Variants in VCL observed in about 807,000 individuals in gnomAD.
VCL encodes the protein vinculin, also known as epididymis luminal protein 114.
A neutral mutation model predicts 125.7 loss-of-function variants in VCL; 47 were observed. That is an observed-to-expected ratio of 0.37 (90% CI 0.30 to 0.48). VCL has a LOEUF of 0.48. Ranked by LOEUF, VCL falls within the 20% of genes least tolerant of loss-of-function variation. The pLI is 0.99. For synonymous variants in VCL, 458 were observed against 514.6 expected, an observed-to-expected ratio of 0.89 and a Z score of 1.49; for missense variants, 1,069 against 1,455.5, an observed-to-expected ratio of 0.73 and a Z score of 4.32.
At position 74,070,688 on chromosome 10, in the gene VCL, C is replaced by T. The variant is rs1841649986; in HGVS notation, c.258C>T (p.Thr86=). The T allele has an allele frequency of 6.2e-7, 1 of 1,613,974 alleles. No individual in the cohort carries two copies. Among genetic ancestry groups the T allele is most frequent in the African/African-American group, 1.3e-5 (1 of 74,902 alleles). Residue 86 remains threonine, a synonymous_variant, in exon 3 of 22, where the codon ACC becomes ACT. Coordinates refer to ENST00000211998, the MANE Select transcript of VCL (RefSeq NM_014000.3). ...PAFIKVENAC[T]KLVQAAQMLQ... ...CCTATAGGGTTGAGAATGCTTGCACCAAGCTTGTCCAGGCAGCTCAGATGC... is the reference window on the plus strand; with the variant it reads ...CCTATAGGGTTGAGAATGCTTGCACTAAGCTTGTCCAGGCAGCTCAGATGC...
chr10:74,095,643 T>C lies in VCL; in HGVS notation c.1544-13T>C, dbSNP rs750057744. 9 of 1,613,462 alleles carry C rather than the reference T, an allele frequency of 5.6e-6. No individual in the cohort carries two copies. Among genetic ancestry groups the C allele is most frequent in the Non-Finnish European group, 7.6e-6 (9 of 1,180,030 alleles). On this transcript the variant is annotated splice_polypyrimidine_tract_variant and intron_variant, in intron 11 of 21. Transcript: ENST00000211998. ...TGGGTCTTGTAAGTTTCATTGTTTT[T>C]CTCTTGGTCCAGGTCAGGCTGCCAT...
At chr10:74,004,406 C>T (rs1840281629) in intron 1 of VCL, among the ~76,000 whole-genome samples, 1 of 152,204 alleles carries the variant, frequency 6.6e-6, no homozygotes, top group Admixed American at 6.5e-5. Flanking sequence ...CACAGTGGCA[C>T]AGCTGGTTAA....
intron 1 of VCL, among the ~76,000 whole-genome samples, chr10:74,018,753 A>G (rs1340764510): frequency 6.6e-6 from 1 of 152,196 alleles, no homozygotes; most frequent in Non-Finnish European, 1.5e-5. Flanking sequence ...TTTAAAAGGT[A>G]AAGGTATACA....
intron 13 of VCL, among the ~76,000 whole-genome samples, chr10:74,100,051 C>T (rs562286897): frequency 6.6e-6 from 1 of 152,178 alleles, no homozygotes; most frequent in Non-Finnish European, 1.5e-5. Flanking sequence ...CAGACATGTT[C>T]GTGTAGTGTA....
chr10:74,098,413 C>T (rs1213861327), intron 13 of VCL, among the ~76,000 whole-genome samples: 2 of 152,180 alleles, frequency 1.3e-5, no homozygotes, highest in African/African-American at 4.8e-5. Context: ...GTCTGTCTCC[C>T]TCCCACTACC....
rs1385955597 is a variant in VCL at position 74,118,748 on chromosome 10, T to C, written c.*579T>C. 1 of 168,556 alleles carries C rather than the reference T, an allele frequency of 5.9e-6. No homozygotes were observed. The highest frequency in any genetic ancestry group is 1.3e-5 in the Non-Finnish European group (1 of 76,466). The allele number at this position is 168,556 out of a possible 1,614,324, so 10.4% of individuals were successfully genotyped here. On this transcript the variant is annotated 3_prime_UTR_variant, in exon 22 of 22. Coordinates refer to ENST00000211998, the MANE Select transcript of VCL (RefSeq NM_014000.3). ...AGGTGGCCTCTGTGGAGCCCCAGCA[T>C]ATGGGGGCCTGGATTCATTTCCTGC...
intron 2 of VCL, among the ~76,000 whole-genome samples, chr10:74,052,366 T>A (rs954361558): frequency 4.7e-5 from 7 of 150,366 alleles, no homozygotes; most frequent in African/African-American, 1.7e-4. Flanking sequence ...GATTCAATTC[T>A]TCAGTTAGTT....
intron 1 of VCL, among the ~76,000 whole-genome samples, chr10:74,026,463 A>G (rs1305200456): frequency 1.3e-5 from 2 of 152,176 alleles, no homozygotes; most frequent in African/African-American, 4.8e-5. Flanking sequence ...AGTAAATGGA[A>G]CCCACCGCAT....
Position 74,105,128 on chromosome 10 carries a change from T to A in VCL, c.2209T>A (p.Cys737Ser). The change falls in exon 16 of 22, where the codon TGC becomes AGC. Residue 737 changes from cysteine (C) to serine (S), a missense_variant. Around this residue, in one of 6 missense-constraint regions of VCL, gnomAD observed 760 missense variants for 928.9 expected, o/e 0.82. Coordinates refer to ENST00000211998, the MANE Select transcript of VCL (RefSeq NM_014000.3). Reference protein sequence around the residue: ...EEAIKKDLDKCKVAMANIQPQ... With the variant: ...EEAIKKDLDKSKVAMANIQPQ... ...AGCAATTAAAAAAGACCTGGACAAG[T>A]GCAAGGTAGCTATGGCCAACATTCA... 6.2e-7 allele frequency: 1 copy of A among 1,614,190 alleles called. No homozygotes were observed. The highest frequency in any genetic ancestry group is 8.5e-7 in the Non-Finnish European group (1 of 1,180,020).
chr10:74,049,762 T>C (rs914254307), intron 2 of VCL, among the ~76,000 whole-genome samples: 2 of 152,170 alleles, frequency 1.3e-5, no homozygotes, highest in African/African-American at 4.8e-5. Context: ...AGCAGTAGGA[T>C]GACAATATGA....
chr10:74,061,177 A>G (rs886478028), intron 2 of VCL, among the ~76,000 whole-genome samples: 2 of 152,212 alleles, frequency 1.3e-5, no homozygotes, highest in African/African-American at 4.8e-5. Flanking sequence ...TTAAGAAGCT[A>G]GGGAGCTTGA....
chr10:74,107,310 G>A lies in VCL; in HGVS notation c.2515G>A (p.Glu839Lys), dbSNP rs747152761. ...GGTCAGAGAAGCCTTCCAACCTCAG[G>A]AGCCTGACTTCCCGCCGCCTCCACC... ...AKVREAFQPQEPDFPPPPPDL... is the reference protein window; with the variant it reads ...AKVREAFQPQKPDFPPPPPDL... Residue 839 changes from glutamate to lysine, a missense_variant, in exon 17 of 22, where the codon GAG becomes AAG. Coordinates refer to ENST00000211998, the MANE Select transcript of VCL (RefSeq NM_014000.3). 9 of 1,614,166 alleles carry A rather than the reference G, an allele frequency of 5.6e-6. No homozygotes were observed. Among genetic ancestry groups the A allele is most frequent in the East Asian group, 2.2e-5 (1 of 44,894 alleles).
At chr10:74,082,995 T>G (rs1839702397) in intron 7 of VCL, among the ~76,000 whole-genome samples, 1 of 152,140 alleles carries the variant, frequency 6.6e-6, no homozygotes, top group South Asian at 2.1e-4. Context: ...GCTTTATTGA[T>G]TTTCTAATCT....
chr10:74,083,584 G>C, intron 8 of VCL, 71 bp downstream of exon 8: 1 of 1,580,244 alleles, frequency 6.3e-7, no homozygotes, highest in Non-Finnish European at 8.6e-7. Context: ...CAGAAAACAA[G>C]CCTCTGCCAG....
chr10:74,018,243 G>A (rs775233668), intron 1 of VCL, among the ~76,000 whole-genome samples: 2 of 122,508 alleles, frequency 1.6e-5, no homozygotes, highest in Non-Finnish European at 3.6e-5. Flanking sequence ...TTATTTTATA[G>A]AATGGGGTTT....
intron 15 of VCL, 23 bp from the exon 16 acceptor site, chr10:74,105,028 T>C (rs1457159029): frequency 1.9e-6 from 3 of 1,613,734 alleles, no homozygotes; most frequent in Non-Finnish European, 2.5e-6. Flanking sequence ...TGAAACTAAA[T>C]TCCATTTCTG....
chr10:74,072,887 A>C (rs181991376), intron 5 of VCL, 35 bp downstream of exon 5: 62 of 1,612,192 alleles, frequency 3.8e-5, no homozygotes, highest in Non-Finnish European at 4.8e-5. Context: ...TATAGGGGGG[A>C]AAAATGTTAG....
rs1330708709 is a variant in VCL, at chr10:74,071,935, C to T, written c.500-795C>T. On this transcript the variant is annotated intron_variant, in intron 4 of 21. Transcript: ENST00000211998. The surrounding 1 kb of genome is among the most constrained non-coding windows in gnomAD (Gnocchi z 4.1). ...CATAATACTGGCGAAAATTATATTT[C>T]CCCAAATGGAATCTTATGCAGAATC... is the stretch of plus-strand genomic sequence containing the variant. Among the ~76,000 whole-genome samples, 1 of 152,034 alleles carries T rather than the reference C, an allele frequency of 6.6e-6. No homozygotes were observed. The highest frequency in any genetic ancestry group is 2.4e-5 in the African/African-American group (1 of 41,386).
chr10:74,028,237 A>G (rs1404291348), intron 1 of VCL, among the ~76,000 whole-genome samples: 1 of 151,786 alleles, frequency 6.6e-6, no homozygotes, highest in Non-Finnish European at 1.5e-5. Context: ...CACCACACCT[A>G]GTTAATTTTT....
Sources: allele counts gnomAD v4.1 joint callset (sites outside exome capture counted in the v4.1 genomes callset), GRCh38; gene constraint gnomAD v4.1.1; regional missense constraint gnomAD v4.1.1; non-coding constraint Gnocchi (gnomAD v3.1); transcripts MANE v1.5; gene names NCBI Gene and HGNC (gene_info 2026-07-23, HGNC 2026-07-21).